Variants in FAM227B observed in about 807,000 individuals in gnomAD.
FAM227B encodes the protein protein FAM227B.
In FAM227B, 88 loss-of-function variants were observed where a neutral mutation model predicts 73.8. That is an observed-to-expected ratio of 1.19 (90% CI 1.00 to 1.42). The LOEUF (loss-of-function observed/expected upper bound fraction) is 1.42. Among genes scored for constraint, FAM227B ranks in the 40% most tolerant of loss-of-function variants. The pLI, the probability that FAM227B is intolerant of heterozygous loss-of-function variation, is 0.00. For missense variants in FAM227B, 632 were observed against 590.9 expected (o/e 1.07, Z -0.72); for synonymous variants, 210 against 190.5 (o/e 1.10, Z -0.84).
intron 9 of FAM227B, among the ~76,000 whole-genome samples, chr15:49,563,261 T>A (rs576527686): frequency 4.9e-4 from 75 of 151,918 alleles, no homozygotes; most frequent in Non-Finnish European, 9.3e-4. Context: ...AAAAATAAAA[T>A]ACCCAGGAAT....
At position 49,489,879 on chromosome 15, in the gene FAM227B, T is replaced by TAGAGAG. The variant is rs1243927630; in HGVS notation, c.1012+18331_1012+18332insCTCTCT. ...TATATTTTATATATATATATATATA[T>TAGAGAG]ATATAGAGAGAGAGAGAGAGAGAGA... On this transcript the variant is annotated intron_variant, in intron 11 of 15. Coordinates refer to ENST00000299338, the MANE Select transcript of FAM227B (RefSeq NM_152647.3). Among the ~76,000 whole-genome samples the TAGAGAG allele has an allele frequency of 5.1e-3, 94 of 18,476 alleles. 11 individuals carry two copies. Among genetic ancestry groups the TAGAGAG allele is most frequent in the Middle Eastern group, 0.05 (2 of 40 alleles). 12.1% of individuals were successfully genotyped at this position (18,476 alleles called of 152,430 possible).
intron 11 of FAM227B, among the ~76,000 whole-genome samples, chr15:49,392,012 T>C (rs1489214480): frequency 2.0e-5 from 3 of 152,058 alleles, no homozygotes; most frequent in East Asian, 1.9e-4. Context: ...TTAGTAACAG[T>C]AGACAACGAG....
intron 11 of FAM227B, among the ~76,000 whole-genome samples, chr15:49,430,788 C>G (rs1037036623): frequency 2.6e-5 from 4 of 151,778 alleles, no homozygotes; most frequent in Admixed American, 1.3e-4. Flanking sequence ...GAGGTTGAAG[C>G]CTTCATGGCC....
intron 13 of FAM227B, among the ~76,000 whole-genome samples, chr15:49,355,230 G>C (rs1302699069): frequency 6.6e-6 from 1 of 152,236 alleles, no homozygotes; most frequent in Non-Finnish European, 1.5e-5. Context: ...AAGGAACAAA[G>C]CTGGATGGAG....
chr15:49,541,336 T>C (rs1156587163), intron 10 of FAM227B, among the ~76,000 whole-genome samples: 1 of 152,112 alleles, frequency 6.6e-6, no homozygotes, highest in African/African-American at 2.4e-5. Context: ...TAAATAATAT[T>C]ATTCGCTAAT....
Position 49,371,670 on chromosome 15 carries a change from TAATA to T in FAM227B, c.1013-275_1013-272del, listed in dbSNP as rs980015660. ...TATAAATAAATGAAATAAAATTCAC[TAATA>T]AATAAATGAAATAAAATTCACTTAT... On this transcript the variant is annotated intron_variant, in intron 11 of 15. Coordinates refer to ENST00000299338, the MANE Select transcript of FAM227B (RefSeq NM_152647.3). Among the ~76,000 whole-genome samples, 327 of 147,582 alleles carry T rather than the reference TAATA, an allele frequency of 2.2e-3. 1 individual carries two copies. Among genetic ancestry groups the T allele is most frequent in the Admixed American group, 3.9e-3 (58 of 14,896 alleles).
intron 3 of FAM227B, among the ~76,000 whole-genome samples, chr15:49,609,552 GGGCA>G (rs1329484471): frequency 4.0e-5 from 6 of 151,874 alleles, no homozygotes; most frequent in African/African-American, 1.4e-4. Flanking sequence ...AGCTCCATAA[GGGCA>G]GGCATCTTTG....
intron 9 of FAM227B, among the ~76,000 whole-genome samples, chr15:49,549,915 A>AC (rs551990926): frequency 3.7e-5 from 4 of 108,780 alleles, no homozygotes; most frequent in Admixed American, 8.7e-5. Context: ...CGGGGGGCTG[A>AC]CCCCCCCCAC....
intron 13 of FAM227B, chr15:49,366,802 G>T (rs1264195275): frequency 3.5e-6 from 2 of 564,128 alleles, no homozygotes; most frequent in Admixed American, 3.5e-5. Flanking sequence ...TGGGATCGCC[G>T]CTGCTGCAGG....
Position 49,589,942 on chromosome 15 carries a change from T to C in FAM227B, c.171A>G (p.Ile57Met), listed in dbSNP as rs2076422889. The C allele has an allele frequency of 6.2e-7, 1 of 1,608,766 alleles. No individual in the cohort carries two copies. The highest frequency in any genetic ancestry group is 8.5e-7 in the Non-Finnish European group (1 of 1,175,242). ...DDKWSCTLKKIKEDSSFVSIY... is the reference protein window; with the variant it reads ...DDKWSCTLKKMKEDSSFVSIY... ...TTGAAACAAATGAACTATCTTCTTT[T>C]ATTTTTTTCAGAGTGCATGACCATT... The change falls in exon 4 of 16, where the codon ATA becomes ATG. Residue 57 changes from isoleucine to methionine, a missense_variant. Physicochemically the swap from Ile to Met is conservative, Grantham distance 10. Transcript: ENST00000299338.
At chr15:49,606,647 C>T (rs1013122672) in intron 3 of FAM227B, among the ~76,000 whole-genome samples, 1 of 152,164 alleles carries the variant, frequency 6.6e-6, no homozygotes, top group Non-Finnish European at 1.5e-5. Flanking sequence ...TCATCATTCC[C>T]TTGGATTCTG....
At chr15:49,348,441 A>G (rs1468274562) in intron 13 of FAM227B, among the ~76,000 whole-genome samples, 1 of 152,162 alleles carries the variant, frequency 6.6e-6, no homozygotes, top group Non-Finnish European at 1.5e-5. Context: ...AAAAACAGAA[A>G]ACAGACACAT....
At chr15:49,350,933 A>C (rs2042152904) in intron 13 of FAM227B, among the ~76,000 whole-genome samples, 1 of 152,168 alleles carries the variant, frequency 6.6e-6, no homozygotes, top group Non-Finnish European at 1.5e-5. Flanking sequence ...CGTGTGCATC[A>C]CATTCCCCCT....
chr15:49,568,579 T>C (rs2074846432), intron 8 of FAM227B, among the ~76,000 whole-genome samples: 1 of 152,018 alleles, frequency 6.6e-6, no homozygotes, highest in African/African-American at 2.4e-5. Flanking sequence ...ATGTAGGTAA[T>C]ATATACTTAT....
intron 13 of FAM227B, chr15:49,365,189 T>C (rs898117708): frequency 3.4e-5 from 27 of 796,140 alleles, no homozygotes; most frequent in Middle Eastern, 3.1e-4. Flanking sequence ...ATACAGATGG[T>C]CCATCATCTG....
At chr15:49,570,235 C>T (rs939081052) in intron 8 of FAM227B, among the ~76,000 whole-genome samples, 1 of 151,900 alleles carries the variant, frequency 6.6e-6, no homozygotes, top group African/African-American at 2.4e-5. Context: ...TGTAGCAATT[C>T]ATATTTCCAA....
At chr15:49,558,282 A>G (rs540309262) in intron 9 of FAM227B, among the ~76,000 whole-genome samples, 1 of 152,220 alleles carries the variant, frequency 6.6e-6, no homozygotes, top group African/African-American at 2.4e-5. Context: ...ATCCACCTAA[A>G]CACCTGTTGT....
At chr15:49,542,549 C>A (rs11854203) in intron 9 of FAM227B, among the ~76,000 whole-genome samples, 56,612 of 151,234 alleles carry the variant, frequency 0.37, 12,316 homozygotes, top group East Asian at 0.54. Context: ...CCTCTGCATC[C>A]TCATAGCTTA....
At chr15:49,355,175 C>T (rs2042925850) in intron 13 of FAM227B, among the ~76,000 whole-genome samples, 1 of 152,014 alleles carries the variant, frequency 6.6e-6, no homozygotes, top group African/African-American at 2.4e-5. Context: ...CTCTAAAAAG[C>T]AGAGCGCCTC....
Sources: allele counts gnomAD v4.1 joint callset (sites outside exome capture counted in the v4.1 genomes callset), GRCh38; gene constraint gnomAD v4.1.1; transcripts MANE v1.5; gene names NCBI Gene and HGNC (gene_info 2026-07-23, HGNC 2026-07-21).